SH3D19: variants seen among roughly 807,000 people sequenced by gnomAD.
SH3D19 encodes SH3 domain-containing protein 19.
A neutral mutation model predicts 112.1 loss-of-function variants in SH3D19; 58 were observed. The observed-to-expected ratio is 0.52, with a 90% CI of 0.42 to 0.64. The LOEUF is 0.64. SH3D19 is among the 30% of genes least tolerant of loss of function. The pLI, the probability that SH3D19 is intolerant of heterozygous loss-of-function variation, is 0.00. For synonymous variants in SH3D19, 391 were observed against 448.5 expected, an observed-to-expected ratio of 0.87 and a Z score of 1.62; for missense variants, 1,090 against 1,263.4, an observed-to-expected ratio of 0.86 and a Z score of 2.08.
chr4:151,200,505 C>T (rs866953307), intron 2 of SH3D19, among the ~76,000 whole-genome samples: 2 of 152,134 alleles, frequency 1.3e-5, no homozygotes, highest in Non-Finnish European at 2.9e-5. Flanking sequence ...CTGCTAATGA[C>T]GTGCTACTGT....
chr4:151,217,429 C>G (rs1042521310), intron 2 of SH3D19, among the ~76,000 whole-genome samples: 3 of 152,164 alleles, frequency 2.0e-5, no homozygotes, highest in Non-Finnish European at 4.4e-5. Flanking sequence ...CAACTATTAA[C>G]TCTGAGAGTA....
At chr4:151,283,880 A>G (rs1304707119) in intron 1 of SH3D19, among the ~76,000 whole-genome samples, 1 of 152,144 alleles carries the variant, frequency 6.6e-6, no homozygotes, top group Non-Finnish European at 1.5e-5. Flanking sequence ...ATTTCACTCT[A>G]TACCTAAAAG....
intron 1 of SH3D19, among the ~76,000 whole-genome samples, chr4:151,274,909 T>C (rs2150000296): frequency 1.3e-5 from 2 of 152,272 alleles, no homozygotes; most frequent in South Asian, 4.1e-4. Flanking sequence ...GGCTTGTAAA[T>C]AGCTGTCTTC....
chr4:151,274,457 T>C (rs1225853671), intron 1 of SH3D19, among the ~76,000 whole-genome samples: 1 of 152,172 alleles, frequency 6.6e-6, no homozygotes, highest in East Asian at 1.9e-4. Flanking sequence ...TGAACCTATA[T>C]CCTGGTTAGA....
Position 151,299,580 on chromosome 4 carries a change from CAAAAAAAA to C in SH3D19, c.112+25653_112+25660del, listed in dbSNP as rs369585943. On this transcript the variant is annotated intron_variant, in intron 1 of 19. Transcript: ENST00000604030. ...GGGCAACAAGAGCGAAACTCCGTCT[CAAAAAAAA>C]AAAAAAAAAAAAATTAAAATCACTG... Among the ~76,000 whole-genome samples the C allele has an allele frequency of 1.3e-4, 12 of 92,798 alleles. No homozygotes were observed. In the East Asian group the frequency reaches 3.7e-3, roughly 29 times the overall value. The allele number at this position is 92,798 out of a possible 152,430, so 60.9% of individuals were successfully genotyped here.
At chr4:151,150,958 C>CT (rs10714871) in intron 9 of SH3D19, among the ~76,000 whole-genome samples, 7,923 of 110,924 alleles carry the variant, frequency 0.071, 592 homozygotes, top group African/African-American at 0.19. Flanking sequence ...TCACAAAATT[C>CT]TTTTTTTTTT....
intron 2 of SH3D19, among the ~76,000 whole-genome samples, chr4:151,198,445 A>AT (rs1763896806): frequency 3.3e-5 from 4 of 120,684 alleles, no homozygotes; most frequent in East Asian, 3.0e-4. Flanking sequence ...AAATATATAT[A>AT]AAAATATATA....
intron 2 of SH3D19, among the ~76,000 whole-genome samples, chr4:151,196,589 T>C (rs899225894): frequency 6.6e-6 from 1 of 152,042 alleles, no homozygotes; most frequent in African/African-American, 2.4e-5. Context: ...ACTAAACATA[T>C]ACTGAATACT....
At chr4:151,249,640 T>G (rs1771203190) in intron 1 of SH3D19, among the ~76,000 whole-genome samples, 1 of 152,056 alleles carries the variant, frequency 6.6e-6, no homozygotes, top group South Asian at 2.1e-4. Context: ...GCACAAAATT[T>G]GCAATTTTTG....
intron 2 of SH3D19, among the ~76,000 whole-genome samples, chr4:151,207,887 AAAGAACTTCTGGGTTACAGAG>A (rs1308187760): frequency 6.6e-6 from 1 of 152,210 alleles, no homozygotes; most frequent in Non-Finnish European, 1.5e-5. Context: ...GATATGTCAG[AAAGAACTTCTGGGTTACAGAG>A]ACTTGAAGAG....
chr4:151,249,935 G>A (rs972979489), intron 1 of SH3D19, among the ~76,000 whole-genome samples: 1 of 151,962 alleles, frequency 6.6e-6, no homozygotes, highest in African/African-American at 2.4e-5. Flanking sequence ...AATTAGTGCC[G>A]TATGCTTGAG....
chr4:151,184,208 TG>T (rs1345459706), intron 3 of SH3D19, among the ~76,000 whole-genome samples: 2 of 152,176 alleles, frequency 1.3e-5, no homozygotes, highest in Admixed American at 1.3e-4. Flanking sequence ...TGAAATAAGT[TG>T]AACTACAACC....
At chr4:151,189,368 C>T (rs71635792) in intron 2 of SH3D19, among the ~76,000 whole-genome samples, 7,102 of 152,212 alleles carry the variant, frequency 0.047, 228 homozygotes, top group Middle Eastern at 0.089. Flanking sequence ...CCGCCTCGGC[C>T]TCCCAAAGTG....
At chr4:151,204,904 TC>T (rs1419532109) in intron 2 of SH3D19, among the ~76,000 whole-genome samples, 1 of 151,742 alleles carries the variant, frequency 6.6e-6, no homozygotes, top group Non-Finnish European at 1.5e-5. Flanking sequence ...CACTGCAACC[TC>T]TGCCTCCTGG....
chr4:151,152,980 C>T lies in SH3D19; in HGVS notation c.1756-3419G>A, dbSNP rs142938247. The stretch of plus-strand genomic sequence containing the variant: ...CCTCTTGAGTAGCTGGGATTACAGG[C>T]ACGTGCCACCACACCCGGCTAATTT... On this transcript the variant is annotated intron_variant, in intron 9 of 19. Transcript: ENST00000604030. Among the ~76,000 whole-genome samples, 379 of 151,804 alleles carry T rather than the reference C, an allele frequency of 2.5e-3. 1 individual carries two copies. Among genetic ancestry groups the T allele is most frequent in the African/African-American group, 8.9e-3 (367 of 41,376 alleles).
intron 1 of SH3D19, among the ~76,000 whole-genome samples, chr4:151,265,064 CATA>C (rs202016468): frequency 6.6e-6 from 1 of 151,496 alleles, no homozygotes; most frequent in South Asian, 2.1e-4. Context: ...AAGGTAATTA[CATA>C]ATAATAAATT....
rs771367997 is a variant in SH3D19, at chr4:151,149,483, T to C, written c.1817+17A>G. 2 of 1,605,362 alleles carry C rather than the reference T, an allele frequency of 1.2e-6. No homozygotes were observed. Among genetic ancestry groups the C allele is most frequent in the African/African-American group, 2.7e-5 (2 of 74,772 alleles). ...TGAGTCATTAATTTTTCTCTAACTT[T>C]TCCCACATTTACTTACCTCGGTGGC... On this transcript the variant is annotated intron_variant, in intron 10 of 19. Transcript: ENST00000604030.
rs1295003305 is a variant in SH3D19, at chr4:151,165,650, T to C, written c.1581A>G (p.Ala527=). 1 of 1,614,222 alleles carries C rather than the reference T, an allele frequency of 6.2e-7. No individual in the cohort carries two copies. The change falls in exon 8 of 20, where the codon GCA becomes GCG. Residue 527 remains alanine, a synonymous_variant. Coordinates refer to ENST00000604030, the MANE Select transcript of SH3D19 (RefSeq NM_001378122.1). The stretch of plus-strand genomic sequence containing the variant: ...GCTTCCTGGTGGGTGCTGGTTGAAC[T>C]GCTCGTTCTTTTATTGGTTCTGTTT... ...PAKTEPIKER[A]VQPAPTRKPT... is the part of the protein sequence containing the mutation.
intron 1 of SH3D19, among the ~76,000 whole-genome samples, chr4:151,318,258 G>A (rs1455042604): frequency 5.9e-5 from 8 of 135,818 alleles, no homozygotes; most frequent in African/African-American, 1.1e-4. Context: ...CCAAGATCGC[G>A]CCACTGCACT....
Sources: gnomAD v4.1 joint callset for allele counts (sites outside exome capture counted in the v4.1 genomes callset) on GRCh38, gnomAD v4.1.1 for gene constraint, MANE v1.5 for transcripts, NCBI Gene and HGNC (gene_info 2026-07-23, HGNC 2026-07-21) for gene names.